PLCG2: variants seen among roughly 807,000 people sequenced by gnomAD.
PLCG2 encodes 1-phosphatidylinositol 4,5-bisphosphate phosphodiesterase gamma-2.
PLCG2 carries 69 observed loss-of-function variants against 175.6 expected under a neutral mutation model. The ratio of observed to expected loss-of-function variants is 0.39; its 90% CI spans 0.32 to 0.48. The LOEUF (loss-of-function observed/expected upper bound fraction) is 0.48, where lower values mean the gene tolerates loss of function less well. PLCG2 is among the 20% of genes least tolerant of loss of function. The pLI is 0.91. For missense variants in PLCG2, 1,798 were observed against 1,650.9 expected (o/e 1.09, Z -1.54); for synonymous variants, 827 against 624.0 (o/e 1.33, Z -4.85).
chr16:81,879,467 A>G (rs1907973594), intron 7 of PLCG2, among the ~76,000 whole-genome samples: 1 of 152,138 alleles, frequency 6.6e-6, no homozygotes, highest in Non-Finnish European at 1.5e-5. Context: ...GATGCTGATT[A>G]TGTCTCCAGA....
intron 14 of PLCG2, 38 bp from the exon 15 acceptor site, chr16:81,905,365 C>T (rs761272434): frequency 1.0e-5 from 15 of 1,475,002 alleles, no homozygotes; most frequent in Non-Finnish European, 1.1e-5. Context: ...AAACTTGGGT[C>T]TCCATGGAGA....
chr16:81,882,898 C>A (rs1475359669), intron 8 of PLCG2, among the ~76,000 whole-genome samples: 1 of 152,086 alleles, frequency 6.6e-6, no homozygotes, highest in East Asian at 1.9e-4. Context: ...TCCCACTCTT[C>A]CCCTCCCTTC....
At chr16:81,813,055 C>T (rs896061386) in intron 2 of PLCG2, among the ~76,000 whole-genome samples, 1 of 152,164 alleles carries the variant, frequency 6.6e-6, no homozygotes, top group African/African-American at 2.4e-5. Context: ...GGTACCAGTA[C>T]CATGCTGTTT....
chr16:81,845,326 T>TC (rs1250810503), intron 2 of PLCG2, among the ~76,000 whole-genome samples: 1 of 152,192 alleles, frequency 6.6e-6, no homozygotes, highest in Admixed American at 6.5e-5. Flanking sequence ...TTGTTTTTTT[T>TC]CCCCTACATT....
intron 2 of PLCG2, among the ~76,000 whole-genome samples, chr16:81,834,377 C>A (rs975611107): frequency 6.6e-6 from 1 of 152,022 alleles, no homozygotes; most frequent in Non-Finnish European, 1.5e-5. Flanking sequence ...GAGTCTTAGC[C>A]CAGGAGCCGG....
intron 2 of PLCG2, among the ~76,000 whole-genome samples, chr16:81,816,537 G>T (rs1904555778): frequency 6.6e-6 from 1 of 150,950 alleles, no homozygotes; most frequent in Non-Finnish European, 1.5e-5. Flanking sequence ...GAGTGCCATG[G>T]TGCAATCACA....
intron 2 of PLCG2, among the ~76,000 whole-genome samples, chr16:81,829,149 C>T (rs8056721): frequency 0.37 from 55,891 of 151,846 alleles, 11,071 homozygotes; most frequent in African/African-American, 0.53. Context: ...GGCTCTGTCA[C>T]CCAGGCTGGA....
intron 2 of PLCG2, among the ~76,000 whole-genome samples, chr16:81,805,891 C>G (rs1911999671): frequency 6.7e-6 from 1 of 149,268 alleles, no homozygotes; most frequent in Non-Finnish European, 1.5e-5. Flanking sequence ...CCTCCCAGCT[C>G]AGCCTCCTGA....
intron 2 of PLCG2, among the ~76,000 whole-genome samples, chr16:81,800,358 C>G (rs1327555214): frequency 6.6e-6 from 1 of 152,160 alleles, no homozygotes; most frequent in Admixed American, 6.5e-5. Flanking sequence ...TGATGCTCTC[C>G]TCCATCCTTA....
At chr16:81,816,307 G>C (rs1052609160) in intron 2 of PLCG2, among the ~76,000 whole-genome samples, 1 of 152,142 alleles carries the variant, frequency 6.6e-6, no homozygotes, top group African/African-American at 2.4e-5. Context: ...GGAGATGGAA[G>C]TTACAGTGAG....
At chr16:81,941,951 G>C (rs922509397) in intron 30 of PLCG2, among the ~76,000 whole-genome samples, 3 of 152,202 alleles carry the variant, frequency 2.0e-5, no homozygotes, top group Admixed American at 6.5e-5. Context: ...ACCCGGCACT[G>C]ATCAGGGCTG....
intron 22 of PLCG2, 126 bp from the exon 23 acceptor site, chr16:81,926,956 C>G (rs550657161): frequency 4.5e-5 from 31 of 685,212 alleles, no homozygotes; most frequent in South Asian, 4.3e-4. Context: ...GATAGTGACA[C>G]TGGTCACTTG....
At chr16:81,884,717 T>A (rs1008708633) in intron 9 of PLCG2, among the ~76,000 whole-genome samples, 2 of 152,116 alleles carry the variant, frequency 1.3e-5, no homozygotes, top group African/African-American at 2.4e-5. Flanking sequence ...TGTTTTTTTT[T>A]AAATAGAGTT....
At chr16:81,781,302 A>G (rs1262315451) in intron 1 of PLCG2, among the ~76,000 whole-genome samples, 3 of 152,258 alleles carry the variant, frequency 2.0e-5, no homozygotes, top group East Asian at 3.9e-4. Flanking sequence ...TTCCAGATCA[A>G]ATTGCTTATC....
At chr16:81,932,500 T>G (rs558798120) in intron 25 of PLCG2, among the ~76,000 whole-genome samples, 1 of 152,218 alleles carries the variant, frequency 6.6e-6, no homozygotes, top group East Asian at 1.9e-4. Flanking sequence ...AGGTAGAACT[T>G]GACCCAAAGG....
chr16:81,883,474 G>A, intron 9 of PLCG2, 133 bp downstream of exon 9: 2 of 675,270 alleles, frequency 3.0e-6, no homozygotes, highest in South Asian at 3.4e-5. Context: ...CTGGCCACCT[G>A]TCTTCATGGA....
At chr16:81,805,003 C>T (rs1416677190) in intron 2 of PLCG2, among the ~76,000 whole-genome samples, 3 of 152,164 alleles carry the variant, frequency 2.0e-5, no homozygotes, top group African/African-American at 4.8e-5. Flanking sequence ...GCCTGGTTTA[C>T]TCCTAAGTAC....
upstream of PLCG2, among the ~76,000 whole-genome samples, chr16:81,776,197 C>T (rs1411304871): frequency 6.6e-6 from 1 of 151,022 alleles, no homozygotes; most frequent in Non-Finnish European, 1.5e-5. Context: ...CAAGCTCCAC[C>T]TCCTGGGTTC....
chr16:81,888,692 C>G (rs1287385638), intron 9 of PLCG2, among the ~76,000 whole-genome samples: 1 of 152,168 alleles, frequency 6.6e-6, no homozygotes, highest in Non-Finnish European at 1.5e-5. Context: ...GAATGAGATG[C>G]CAACCCAGGT....
Sources: allele counts gnomAD v4.1 joint callset (sites outside exome capture counted in the v4.1 genomes callset), GRCh38; gene constraint gnomAD v4.1.1; transcripts MANE v1.5; gene names NCBI Gene and HGNC (gene_info 2026-07-23, HGNC 2026-07-21).